Variants in PRKD3 observed in about 807,000 individuals in gnomAD.
PRKD3 encodes serine/threonine-protein kinase D3.
Under a neutral mutation model 99.2 loss-of-function variants are expected in PRKD3, and 47 were observed. The ratio of observed to expected loss-of-function variants is 0.47; its 90% CI spans 0.38 to 0.60. The LOEUF is 0.60. Among genes scored for constraint, PRKD3 ranks in the 20% least tolerant of loss-of-function variants. PRKD3 has a pLI of 0.00. For missense variants in PRKD3, 1,019 were observed against 1,088.4 expected (o/e 0.94, Z 0.90); for synonymous variants, 392 against 355.4 (o/e 1.10, Z -1.16).
chr2:37,309,907 T>C (rs1671349216), intron 2 of PRKD3, among the ~76,000 whole-genome samples: 1 of 143,952 alleles, frequency 6.9e-6, no homozygotes, highest in South Asian at 2.2e-4. Flanking sequence ...TATACCAAAA[T>C]ATTCTAATAT....
chr2:37,254,245 G>A lies in PRKD3; in HGVS notation c.2458C>T (p.Arg820Cys), dbSNP rs759062988. The A allele has an allele frequency of 2.5e-6, 4 of 1,613,230 alleles. No homozygotes were observed. The highest frequency in any genetic ancestry group is 2.2e-5 in the East Asian group (1 of 44,844). Residue 820 changes from arginine to cysteine, a missense_variant, in exon 18 of 19, where the codon CGT becomes TGT. By Grantham distance (180) the Arg-to-Cys change is radical. Around this residue, in one of 3 missense-constraint regions of PRKD3, gnomAD observed 125 missense variants for 120.6 expected, o/e 1.04. Transcript: ENST00000234179. ...NNLLQVKMRK[R>C]YSVDKSLSHP... Reference sequence around the variant, plus strand: ...CTAAGAGATTTGTCAACACTGTAACGTTTTCTCATCTTCACTTGAAGCAGA... The same window carrying A: ...CTAAGAGATTTGTCAACACTGTAACATTTTCTCATCTTCACTTGAAGCAGA...
intron 2 of PRKD3, among the ~76,000 whole-genome samples, chr2:37,307,562 T>C (rs577264630): frequency 6.6e-6 from 1 of 152,332 alleles, no homozygotes; most frequent in South Asian, 2.1e-4. Context: ...TCCAGTATCA[T>C]GTTTTTAGAA....
intron 1 of PRKD3, among the ~76,000 whole-genome samples, chr2:37,322,417 T>G (rs1195438686): frequency 6.6e-6 from 1 of 152,238 alleles, no homozygotes; most frequent in African/African-American, 2.4e-5. Flanking sequence ...ATTCTGCTCA[T>G]CTGGACCAGT....
chr2:37,307,550 T>C (rs899307881), intron 2 of PRKD3, among the ~76,000 whole-genome samples: 1 of 152,238 alleles, frequency 6.6e-6, no homozygotes, highest in Non-Finnish European at 1.5e-5. Context: ...TAAAACTGTA[T>C]TTCCAGTATC....
intron 2 of PRKD3, among the ~76,000 whole-genome samples, chr2:37,308,909 T>C (rs930536744): frequency 3.9e-5 from 6 of 152,204 alleles, no homozygotes; most frequent in African/African-American, 1.4e-4. Context: ...TCTATTTATG[T>C]TCAGATAGTA....
intron 2 of PRKD3, among the ~76,000 whole-genome samples, chr2:37,307,314 A>C (rs1572696193): frequency 6.6e-6 from 1 of 152,228 alleles, no homozygotes; most frequent in Non-Finnish European, 1.5e-5. Flanking sequence ...TCAGGAAATA[A>C]ATAACTTTAA....
At chr2:37,298,541 TATC>T (rs1670772348) in intron 2 of PRKD3, among the ~76,000 whole-genome samples, 2 of 152,316 alleles carry the variant, frequency 1.3e-5, no homozygotes, top group South Asian at 4.1e-4. Context: ...TTCATAAAAT[TATC>T]ATGAGAATAC....
At chr2:37,279,498 T>C in intron 8 of PRKD3, 1 of 269,168 alleles carries the variant, frequency 3.7e-6, no homozygotes, top group Non-Finnish European at 6.8e-6. Flanking sequence ...AGCATTTTTC[T>C]TTAAGAACAA....
In PRKD3 at chr2:37,316,557, G is replaced by T. The variant is rs1332966219; in HGVS notation, c.-33C>A. 1.3e-6 allele frequency: 2 copies of T among 1,588,212 alleles called. No individual in the cohort carries two copies. Among genetic ancestry groups the T allele is most frequent in the East Asian group, 2.2e-5 (1 of 44,634 alleles). On this transcript the variant is annotated 5_prime_UTR_variant, in exon 2 of 19. Transcript: ENST00000234179. ...TCTTTAATCTTTTAAAATAGTTGTC[G>T]ATTCTTTTTCAATGGTTATGAAGAG...
At chr2:37,280,924 A>T (rs1387749767) in intron 7 of PRKD3, among the ~76,000 whole-genome samples, 3 of 152,184 alleles carry the variant, frequency 2.0e-5, no homozygotes, top group Non-Finnish European at 4.4e-5. Context: ...ATAAACAGAT[A>T]AGTAACCTAA....
chr2:37,255,415 A>T (rs1218105076), intron 17 of PRKD3, among the ~76,000 whole-genome samples: 5 of 152,218 alleles, frequency 3.3e-5, no homozygotes, highest in African/African-American at 4.8e-5. Context: ...ATAATGTTTT[A>T]AGTAGTGTAC....
intron 9 of PRKD3, among the ~76,000 whole-genome samples, chr2:37,276,819 T>TAC: frequency 6.9e-6 from 1 of 145,742 alleles, no homozygotes; most frequent in South Asian, 2.1e-4. Context: ...CACATATATA[T>TAC]ACATATATAT....
At chr2:37,292,581 C>T (rs1037958632) in intron 3 of PRKD3, among the ~76,000 whole-genome samples, 3 of 152,014 alleles carry the variant, frequency 2.0e-5, no homozygotes, top group Non-Finnish European at 2.9e-5. Context: ...CTCCTGACCT[C>T]GTGATCCGCC....
chr2:37,322,177 TA>T (rs1466235752), intron 1 of PRKD3, among the ~76,000 whole-genome samples: 1 of 152,208 alleles, frequency 6.6e-6, no homozygotes, highest in African/African-American at 2.4e-5. Flanking sequence ...ACCAGCGTCC[TA>T]AAGTCCATGT....
chr2:37,290,102 C>T (rs1372585257), intron 4 of PRKD3, among the ~76,000 whole-genome samples: 1 of 152,152 alleles, frequency 6.6e-6, no homozygotes, highest in African/African-American at 2.4e-5. Flanking sequence ...TACTCTCTGT[C>T]CCTTTACAGA....
chr2:37,270,503 T>C (rs1398079205), intron 12 of PRKD3, among the ~76,000 whole-genome samples: 1 of 152,184 alleles, frequency 6.6e-6, no homozygotes, highest in East Asian at 1.9e-4. Context: ...CCTTTTTTTT[T>C]CTTCTTTGTA....
At chr2:37,323,873 C>G (rs1486799991) in intron 1 of PRKD3, among the ~76,000 whole-genome samples, 1 of 152,122 alleles carries the variant, frequency 6.6e-6, no homozygotes, top group East Asian at 1.9e-4. Flanking sequence ...TGATTGAAGA[C>G]ACAGTTACGT....
rs748429273 is a variant in PRKD3 at position 37,260,225 on chromosome 2, G to T, written c.2044C>A (p.Gln682Lys). 3 of 1,602,328 alleles carry T rather than the reference G, an allele frequency of 1.9e-6. No homozygotes were observed. Among genetic ancestry groups the T allele is most frequent in the East Asian group, 2.2e-5 (1 of 44,758 alleles). The change falls in exon 15 of 19, where the codon CAG (glutamine) becomes AAG (lysine). Residue 682 changes from glutamine to lysine, a missense_variant and splice_region_variant. Gln to Lys is a moderately conservative substitution (Grantham distance 53). This residue lies in a region of PRKD3 where 184 missense variants were observed against 275.1 expected (regional missense o/e 0.67). Transcript: ENST00000234179. ...AAAAAAAAAAGGAGTTAAAATACCTGTGTGACCATGAATTTAGTAATTCGT... is the reference window on the plus strand; with the variant it reads ...AAAAAAAAAAGGAGTTAAAATACCTTTGTGACCATGAATTTAGTAATTCGT... ...PERITKFMVT[Q>K]ILVALRNLHF...
Position 37,291,119 on chromosome 2 carries a change from G to A in PRKD3, c.428-120C>T, listed in dbSNP as rs147128968. ...TCATTTTTTCTCTGAAAGTTGCACTGGACCATAAAAGTAAATTATTTAATA... is the reference window on the plus strand; with the variant it reads ...TCATTTTTTCTCTGAAAGTTGCACTAGACCATAAAAGTAAATTATTTAATA... On this transcript the variant is annotated intron_variant, in intron 3 of 18. Coordinates refer to ENST00000234179, the MANE Select transcript of PRKD3 (RefSeq NM_005813.6). 2.8e-3 allele frequency: 2,581 copies of A among 908,812 alleles called. 5 individuals carry two copies. The highest frequency in any genetic ancestry group is 7.5e-3 in the South Asian group (287 of 38,138). The allele number at this position is 908,812 out of a possible 1,614,324, so 56.3% of individuals were successfully genotyped here. A position where few individuals can be genotyped will look rare whatever the true frequency, so the allele number is the denominator to read the frequency against.
Sources: gnomAD v4.1 joint callset for allele counts (sites outside exome capture counted in the v4.1 genomes callset) on GRCh38, gnomAD v4.1.1 for gene constraint, gnomAD v4.1.1 regional missense constraint, MANE v1.5 for transcripts, NCBI Gene and HGNC (gene_info 2026-07-23, HGNC 2026-07-21) for gene names.